ENTPD6: variants seen among roughly 807,000 people sequenced by gnomAD.
The protein encoded by ENTPD6 is ectonucleoside triphosphate diphosphohydrolase 6.
ENTPD6 carries 46 observed loss-of-function variants against 61.5 expected under a neutral mutation model. The ratio of observed to expected loss-of-function variants is 0.75; its 90% CI spans 0.59 to 0.96. The LOEUF is 0.96. ENTPD6 is among the 40% of genes least tolerant of loss of function. The pLI is 0.00. For synonymous variants in ENTPD6, 252 were observed against 255.5 expected (o/e 0.99, Z 0.13); for missense variants, 612 against 629.0 (o/e 0.97, Z 0.29).
intron 1 of ENTPD6, among the ~76,000 whole-genome samples, chr20:25,198,667 C>A (rs1320572409): frequency 6.6e-6 from 1 of 152,146 alleles, no homozygotes; most frequent in Non-Finnish European, 1.5e-5. Flanking sequence ...GGGTTATAGT[C>A]TGCTAAGGAA....
chr20:25,219,609 G>A, intron 10 of ENTPD6, among the ~76,000 whole-genome samples: 1 of 152,222 alleles, frequency 6.6e-6, no homozygotes, highest in East Asian at 1.9e-4. Context: ...GAGGCTGGTG[G>A]TGCCTCTCTT....
chr20:25,196,462 C>G (rs139973206), intron 1 of ENTPD6, among the ~76,000 whole-genome samples: 1 of 151,986 alleles, frequency 6.6e-6, no homozygotes, highest in Non-Finnish European at 1.5e-5. Flanking sequence ...GCCAGGAGAG[C>G]GTGGAAGAGG....
At chr20:25,224,197 G>A (rs1178517165) in intron 13 of ENTPD6, 40 bp downstream of exon 13, 13 of 1,580,248 alleles carry the variant, frequency 8.2e-6, no homozygotes, top group Middle Eastern at 1.7e-4. Flanking sequence ...AGGGGCAGGC[G>A]CCCCGTGATG....
Position 25,224,228 on chromosome 20 carries a change from C to A in ENTPD6, c.1243+71C>A, listed in dbSNP as rs1015011875. The A allele has an allele frequency of 7.9e-6, 11 of 1,396,688 alleles. No individual in the cohort carries two copies. In the African/African-American group the frequency reaches 1.4e-4, roughly 18 times the overall value. The allele number at this position is 1,396,688 out of a possible 1,614,324, so 86.5% of individuals were successfully genotyped here. Reference sequence around the variant, plus strand: ...TGATGCTCGTGACGCAGGCGCTGGCCCTGACTCTCCTGGGTGTAGCCCCTC... The same window carrying A: ...TGATGCTCGTGACGCAGGCGCTGGCACTGACTCTCCTGGGTGTAGCCCCTC... On this transcript the variant is annotated intron_variant, in intron 13 of 14. Coordinates refer to ENST00000376652, the MANE Select transcript of ENTPD6 (RefSeq NM_001247.5).
Position 25,224,221 on chromosome 20 carries a change from C to T in ENTPD6, c.1243+64C>T, listed in dbSNP as rs542737861. ...CGCCCCGTGATGCTCGTGACGCAGG[C>T]GCTGGCCCTGACTCTCCTGGGTGTA... On this transcript the variant is annotated intron_variant, in intron 13 of 14. Transcript: ENST00000376652. The T allele has an allele frequency of 1.6e-5, 24 of 1,478,524 alleles. No individual in the cohort carries two copies. In the Admixed American group the frequency reaches 2.1e-4, roughly 13 times the overall value. The allele number at this position is 1,478,524 out of a possible 1,614,324, so 91.6% of individuals were successfully genotyped here.
intron 10 of ENTPD6, among the ~76,000 whole-genome samples, 159 bp downstream of exon 10, chr20:25,218,773 G>A (rs1424842864): frequency 6.6e-6 from 1 of 152,254 alleles, no homozygotes; most frequent in African/African-American, 2.4e-5. Context: ...TGGGCACCCA[G>A]CCAGGCCAGG....
intron 3 of ENTPD6, among the ~76,000 whole-genome samples, chr20:25,207,873 G>A (rs1407631182): frequency 6.6e-6 from 1 of 152,252 alleles, no homozygotes; most frequent in Non-Finnish European, 1.5e-5. Flanking sequence ...CTGGATAAGG[G>A]AGCTGGAGCC....
At chr20:25,198,946 C>G (rs1429329773) in intron 1 of ENTPD6, among the ~76,000 whole-genome samples, 1 of 152,210 alleles carries the variant, frequency 6.6e-6, no homozygotes, top group Admixed American at 6.5e-5. Flanking sequence ...CCAAATGGCC[C>G]CTTCCCAGAT....
intron 10 of ENTPD6, among the ~76,000 whole-genome samples, chr20:25,219,583 G>A (rs766930366): frequency 1.3e-5 from 2 of 152,214 alleles, no homozygotes; most frequent in Admixed American, 6.5e-5. Flanking sequence ...TGCTTCAGGG[G>A]CTGGGGCACG....
rs545735578 is a variant in ENTPD6 at position 25,209,858 on chromosome 20, C to T, written c.386C>T (p.Thr129Met). Residue 129 changes from threonine (T) to methionine (M), a missense_variant, in exon 4 of 15, where the codon ACG becomes ATG. Thr to Met is a moderately conservative substitution (Grantham distance 81). Coordinates refer to ENST00000376652, the MANE Select transcript of ENTPD6 (RefSeq NM_001247.5). ...CATGTTTTCCCCTTAGAAACTCCCA[C>T]GTTAACCCACGAAACCTTCAAAGCA... ...QFTRPPRETP[T>M]LTHETFKALK... 7.4e-5 allele frequency: 119 copies of T among 1,613,970 alleles called. No homozygotes were observed. In the South Asian group the frequency reaches 8.7e-4, roughly 12 times the overall value.
chr20:25,199,191 C>T (rs1265489681), intron 1 of ENTPD6, among the ~76,000 whole-genome samples: 3 of 152,128 alleles, frequency 2.0e-5, no homozygotes, highest in African/African-American at 7.2e-5. Context: ...GCCAGAGGGG[C>T]CTAGAAGAAC....
chr20:25,227,396 C>T lies in ENTPD6; in HGVS notation c.*1799C>T, dbSNP rs929966432. Among the ~76,000 whole-genome samples, 1 of 152,158 alleles carries T rather than the reference C, an allele frequency of 6.6e-6. No homozygotes were observed. Among genetic ancestry groups the T allele is most frequent in the Non-Finnish European group, 1.5e-5 (1 of 68,030 alleles). ...AAGGTAAAGCCAAAATCAATTTGGT[C>T]CATTTAAAGAAGGTCGGTGACCTCA... On this transcript the variant is annotated 3_prime_UTR_variant, in exon 15 of 15. Transcript: ENST00000376652.
In ENTPD6 at chr20:25,196,086, AGGGC is replaced by A. The variant is rs144115233; in HGVS notation, c.-16+224_-16+227del. On this transcript the variant is annotated intron_variant, in intron 1 of 14. Transcript: ENST00000376652. ...GGGCAAGTCCAGTGTTTTGGGCCAC[AGGGC>A]GGGCCAAATAGCAGGGGCCTGTAGC... 6 of 1,048,638 alleles carry A rather than the reference AGGGC, an allele frequency of 5.7e-6. No individual in the cohort carries two copies. The East Asian group carries it at 2.0e-4, about 34-fold the overall frequency. The allele number at this position is 1,048,638 out of a possible 1,614,324, so 65.0% of individuals were successfully genotyped here. A position where few individuals can be genotyped will look rare whatever the true frequency, so the allele number is the denominator to read the frequency against.
In ENTPD6 at chr20:25,195,762, C is replaced by A; in HGVS notation, c.-121C>A. 1.0e-6 allele frequency: 1 copy of A among 988,308 alleles called. No individual in the cohort carries two copies. 61.2% of individuals were successfully genotyped at this position (988,308 alleles called of 1,614,324 possible). A position where few individuals can be genotyped will look rare whatever the true frequency, so the allele number is the denominator to read the frequency against. On this transcript the variant is annotated 5_prime_UTR_variant, in exon 1 of 15. Transcript: ENST00000376652. ...TGGGGTCGTATCCCGCGGGTGGAGGCCGGGGTGGCGCCGGCCGGGGCGGGG... is the reference window on the plus strand; with the variant it reads ...TGGGGTCGTATCCCGCGGGTGGAGGACGGGGTGGCGCCGGCCGGGGCGGGG...
chr20:25,206,637 C>A (rs2091522084), intron 2 of ENTPD6, 47 bp downstream of exon 2: 5 of 1,421,034 alleles, frequency 3.5e-6, no homozygotes, highest in Non-Finnish European at 5.0e-6. Flanking sequence ...GAGTTTAAAC[C>A]TTTCGAAAAG....
At position 25,206,997 on chromosome 20, in the gene ENTPD6, C is replaced by G. The variant is rs567509465; in HGVS notation, c.55-79C>G. On this transcript the variant is annotated intron_variant, in intron 2 of 14. Transcript: ENST00000376652. ...CAGTTTCAGGTTGAACATTTTGTCC[C>G]TGGGCCTGGGGACGTCTGACTCTCC... 1.3e-4 allele frequency: 169 copies of G among 1,330,458 alleles called. 1 individual carries two copies. The South Asian group carries it at 2.2e-3, about 18-fold the overall frequency. The allele number at this position is 1,330,458 out of a possible 1,614,324, so 82.4% of individuals were successfully genotyped here.
chr20:25,202,995 G>T lies in ENTPD6; in HGVS notation c.-15-3527G>T, dbSNP rs2091166492. Reference sequence around the variant, plus strand: ...AACACGCACATCTTTTATTAATCTGGAAGTGTCTTAATTTCTCCCTCATTT... The same window carrying T: ...AACACGCACATCTTTTATTAATCTGTAAGTGTCTTAATTTCTCCCTCATTT... On this transcript the variant is annotated intron_variant, in intron 1 of 14. Transcript: ENST00000376652. Among the ~76,000 whole-genome samples, 4 of 152,304 alleles carry T rather than the reference G, an allele frequency of 2.6e-5. No individual in the cohort carries two copies. The South Asian group carries it at 6.2e-4, about 24-fold the overall frequency.
rs1436325162 is a variant in ENTPD6, at chr20:25,227,930, T to G, written c.*2333T>G. On this transcript the variant is annotated 3_prime_UTR_variant, in exon 15 of 15. Transcript: ENST00000376652. Reference sequence around the variant, plus strand: ...AAAATGATAACTGGTAGTTTTAATATGCATGGATCTAATTCATCGGGTATA... The same window carrying G: ...AAAATGATAACTGGTAGTTTTAATAGGCATGGATCTAATTCATCGGGTATA... 6.6e-6 allele frequency among the ~76,000 whole-genome samples: 1 copy of G among 152,286 alleles called. No homozygotes were observed. The highest frequency in any genetic ancestry group is 2.4e-5 in the African/African-American group (1 of 41,482).
In ENTPD6 at chr20:25,206,897, T is replaced by C. The variant is rs555576234; in HGVS notation, c.55-179T>C. Among the ~76,000 whole-genome samples the C allele has an allele frequency of 5.3e-4, 80 of 152,242 alleles. 1 individual carries two copies. The highest frequency in any genetic ancestry group is 1.5e-3 in the South Asian group (7 of 4,824). On this transcript the variant is annotated intron_variant, in intron 2 of 14. Transcript: ENST00000376652. ...TTTATAAACCTCAGTTCCTCTTCTGTAGGATGGGGATCACACCTTCTGGAA... is the reference window on the plus strand; with the variant it reads ...TTTATAAACCTCAGTTCCTCTTCTGCAGGATGGGGATCACACCTTCTGGAA...
Sources: allele counts gnomAD v4.1 joint callset (sites outside exome capture counted in the v4.1 genomes callset), GRCh38; gene constraint gnomAD v4.1.1; transcripts MANE v1.5; gene names NCBI Gene and HGNC (gene_info 2026-07-23, HGNC 2026-07-21).